OSBPL8: variants seen among roughly 807,000 people sequenced by gnomAD.
OSBPL8 encodes the protein oxysterol-binding protein-related protein 8.
A neutral mutation model predicts 125.5 loss-of-function variants in OSBPL8; 59 were observed. The observed-to-expected ratio is 0.47, with a 90% confidence interval of 0.38 to 0.58. The LOEUF (loss-of-function observed/expected upper bound fraction) is 0.58, where lower values mean the gene tolerates loss of function less well. Among genes scored for constraint, OSBPL8 ranks in the 20% least tolerant of loss-of-function variants. OSBPL8 has a pLI of 0.00. For synonymous variants in OSBPL8, 330 were observed against 338.9 expected (o/e 0.97, Z 0.29); for missense variants, 758 against 1,047.8 (o/e 0.72, Z 3.82).
intron 9 of OSBPL8, 132 bp from the exon 10 acceptor site, chr12:76,392,884 G>A (rs1425335714): frequency 3.5e-6 from 3 of 867,534 alleles, no homozygotes; most frequent in Non-Finnish European, 5.0e-6. Flanking sequence ...ATAACATCTT[G>A]CTAGAATTTA....
chr12:76,353,303 T>C lies in OSBPL8; in HGVS notation c.*2586A>G, dbSNP rs78008233. 8.9e-5 allele frequency: 1 copy of C among 11,238 alleles called. No individual in the cohort carries two copies. Among genetic ancestry groups the C allele is most frequent in the Admixed American group, 2.1e-3 (1 of 480 alleles). 0.7% of individuals were successfully genotyped at this position (11,238 alleles called of 1,614,324 possible). On this transcript the variant is annotated 3_prime_UTR_variant, in exon 24 of 24. Transcript: ENST00000261183. ...CACATGCCCTATTTATTGTTGTTGTTTTTTTTTTTTTTTTACATGTCCTGG... is the reference window on the plus strand; with the variant it reads ...CACATGCCCTATTTATTGTTGTTGTCTTTTTTTTTTTTTTACATGTCCTGG...
chr12:76,493,754 C>T (rs1878983481), intron 1 of OSBPL8, among the ~76,000 whole-genome samples: 1 of 152,074 alleles, frequency 6.6e-6, no homozygotes, highest in Non-Finnish European at 1.5e-5. Flanking sequence ...CTCTCTTTTC[C>T]AAGATCAGAG....
intron 5 of OSBPL8, among the ~76,000 whole-genome samples, chr12:76,405,869 G>A (rs962008209): frequency 1.3e-5 from 2 of 152,010 alleles, no homozygotes; most frequent in Admixed American, 1.3e-4. Context: ...TTCCCTCTTT[G>A]TTAAATGGCA....
intron 4 of OSBPL8, among the ~76,000 whole-genome samples, chr12:76,450,409 A>G (rs996733105): frequency 1.3e-5 from 2 of 152,236 alleles, no homozygotes; most frequent in Non-Finnish European, 1.5e-5. Context: ...AAAACACTGT[A>G]GTTCTTAATA....
In OSBPL8 at chr12:76,469,284, T is replaced by C. The variant is rs182341576; in HGVS notation, c.43-9389A>G. Reference sequence around the variant, plus strand: ...AGACCCTCAAGGCCATTCCAATGATTCTCCTGGTGAATTCATTCTTCTTAT... The same window carrying C: ...AGACCCTCAAGGCCATTCCAATGATCCTCCTGGTGAATTCATTCTTCTTAT... On this transcript the variant is annotated intron_variant, in intron 2 of 23. Coordinates refer to ENST00000261183, the MANE Select transcript of OSBPL8 (RefSeq NM_020841.5). 1.4e-3 allele frequency among the ~76,000 whole-genome samples: 208 copies of C among 152,250 alleles called. 1 individual carries two copies. The highest frequency in any genetic ancestry group is 2.3e-3 in the Admixed American group (35 of 15,290).
intron 6 of OSBPL8, among the ~76,000 whole-genome samples, chr12:76,401,434 C>T (rs970081435): frequency 6.6e-6 from 1 of 152,162 alleles, no homozygotes; most frequent in African/African-American, 2.4e-5. Flanking sequence ...AGCCACAGTT[C>T]TAAGCACTTT....
intron 2 of OSBPL8, among the ~76,000 whole-genome samples, 193 bp downstream of exon 2, chr12:76,487,317 C>T (rs2137029299): frequency 6.6e-6 from 1 of 152,212 alleles, no homozygotes; most frequent in East Asian, 1.9e-4. Context: ...AGGTGTGAGC[C>T]ACCATGCCTA....
Position 76,397,793 on chromosome 12 carries a change from A to G in OSBPL8, c.573T>C (p.Val191=). Residue 191 remains valine (V), a synonymous_variant, in exon 8 of 24, where the codon GTT becomes GTC. Transcript: ENST00000261183. ...TQKNGQWVGT[V]LLNACEIIER... ...CAATGATTTCACAGGCATTCAGAAGAACTGTTCCTACCCACTGACCATTTT... is the reference window on the plus strand; with the variant it reads ...CAATGATTTCACAGGCATTCAGAAGGACTGTTCCTACCCACTGACCATTTT... 1 of 1,614,142 alleles carries G rather than the reference A, an allele frequency of 6.2e-7. No homozygotes were observed. Among genetic ancestry groups the G allele is most frequent in the Admixed American group, 1.7e-5 (1 of 60,020 alleles).
At chr12:76,538,939 T>C (rs778845373) in intron 1 of OSBPL8, among the ~76,000 whole-genome samples, 1 of 148,668 alleles carries the variant, frequency 6.7e-6, no homozygotes, top group Non-Finnish European at 1.5e-5. Context: ...CAAGACTCCA[T>C]CTCAAAAAAA....
At chr12:76,364,336 T>C (rs1286924570) in intron 21 of OSBPL8, among the ~76,000 whole-genome samples, 2 of 152,206 alleles carry the variant, frequency 1.3e-5, no homozygotes, top group African/African-American at 4.8e-5. Flanking sequence ...AAGGATGACT[T>C]AATGTCCTTT....
chr12:76,365,232 G>A (rs1952372055), intron 21 of OSBPL8, among the ~76,000 whole-genome samples: 1 of 152,164 alleles, frequency 6.6e-6, no homozygotes, highest in Non-Finnish European at 1.5e-5. Flanking sequence ...ATGAGCCACT[G>A]CGCCTGGCCA....
intron 4 of OSBPL8, among the ~76,000 whole-genome samples, chr12:76,448,139 T>A (rs1047337798): frequency 6.6e-6 from 1 of 152,176 alleles, no homozygotes; most frequent in Non-Finnish European, 1.5e-5. Flanking sequence ...TTGGGGTACG[T>A]CATGAAGTCT....
At chr12:76,377,445 C>A (rs1427573248) in intron 16 of OSBPL8, among the ~76,000 whole-genome samples, 2 of 152,104 alleles carry the variant, frequency 1.3e-5, no homozygotes, top group Non-Finnish European at 2.9e-5. Flanking sequence ...CTGTTATTTC[C>A]TGACTTTTTA....
At chr12:76,498,180 G>A (rs1380405502) in intron 1 of OSBPL8, among the ~76,000 whole-genome samples, 10 of 152,166 alleles carry the variant, frequency 6.6e-5, no homozygotes, top group African/African-American at 4.8e-5. Context: ...CCAGGCGGGC[G>A]GATCACCTGA....
At chr12:76,404,303 A>T (rs902136970) in intron 5 of OSBPL8, among the ~76,000 whole-genome samples, 1 of 152,206 alleles carries the variant, frequency 6.6e-6, no homozygotes, top group Non-Finnish European at 1.5e-5. Context: ...TCTACTTCCC[A>T]CAACTTAATA....
intron 4 of OSBPL8, among the ~76,000 whole-genome samples, chr12:76,448,477 T>C (rs1295746988): frequency 6.6e-6 from 1 of 152,166 alleles, no homozygotes; most frequent in African/African-American, 2.4e-5. Context: ...GTCAGTTGCA[T>C]TGTTTCAGAA....
At chr12:76,440,384 T>A (rs1045359068) in intron 4 of OSBPL8, among the ~76,000 whole-genome samples, 1 of 152,156 alleles carries the variant, frequency 6.6e-6, no homozygotes, top group Non-Finnish European at 1.5e-5. Context: ...AGGTGCACAA[T>A]GGCATCTCAT....
At chr12:76,373,809 G>A (rs931580487) in intron 17 of OSBPL8, among the ~76,000 whole-genome samples, 6 of 151,848 alleles carry the variant, frequency 4.0e-5, no homozygotes, top group African/African-American at 1.5e-4. Context: ...TGGAATTAAC[G>A]ATCCATTGAA....
At chr12:76,509,882 C>T (rs2137175393) in intron 1 of OSBPL8, among the ~76,000 whole-genome samples, 1 of 152,110 alleles carries the variant, frequency 6.6e-6, no homozygotes, top group Middle Eastern at 3.4e-3. Flanking sequence ...AGTAAGTTAC[C>T]TAAAAATATA....
Sources: gnomAD v4.1 joint callset for allele counts (sites outside exome capture counted in the v4.1 genomes callset) on GRCh38, gnomAD v4.1.1 for gene constraint, MANE v1.5 for transcripts, NCBI Gene and HGNC (gene_info 2026-07-23, HGNC 2026-07-21) for gene names.